The following TWIST2 variants were observed in gnomAD, a reference collection of about 807,000 sequenced individuals.
TWIST2 encodes the protein twist family bHLH transcription factor 2.
In TWIST2, 1 loss-of-function variant was observed where a neutral mutation model predicts 11.6. That is an observed-to-expected ratio of 0.09 (90% confidence interval 0.03 to 0.41). TWIST2 has a LOEUF of 0.41. Among genes scored for constraint, TWIST2 ranks in the 10% least tolerant of loss-of-function variants. The pLI, the probability that TWIST2 is intolerant of heterozygous loss-of-function variation, is 0.98. For missense variants in TWIST2, 168 were observed against 226.4 expected (o/e 0.74, Z 1.66); for synonymous variants, 87 against 96.6 (o/e 0.90, Z 0.58).
chr2:238,903,336 T>C (rs1693301840), intron 1 of TWIST2, among the ~76,000 whole-genome samples: 2 of 145,760 alleles, frequency 1.4e-5, no homozygotes, highest in Non-Finnish European at 3.0e-5. Flanking sequence ...ATGTGAGGTA[T>C]GTTTGAGGTA....
At chr2:238,870,577 A>ACACACACATCACATACCACACACAAACCC (rs1692660684) in intron 1 of TWIST2, among the ~76,000 whole-genome samples, 1 of 55,956 alleles carries the variant, frequency 1.8e-5, no homozygotes, top group Admixed American at 2.1e-4. Context: ...ACCACACACC[A>ACACACACATCACATACCACACACAAACCC]CACACACACA....
At chr2:238,894,324 C>T (rs973243715) in intron 1 of TWIST2, among the ~76,000 whole-genome samples, 98 of 152,156 alleles carry the variant, frequency 6.4e-4, no homozygotes, top group African/African-American at 1.8e-3. Context: ...GACTCCTCCT[C>T]TCTAGATCTG....
At chr2:238,899,700 C>G (rs1693245722) in intron 1 of TWIST2, among the ~76,000 whole-genome samples, 1 of 152,222 alleles carries the variant, frequency 6.6e-6, no homozygotes, top group African/African-American at 2.4e-5. Context: ...GGAATAAACC[C>G]TTCTTGGTCA....
chr2:238,859,540 A>C (rs1394635886), intron 1 of TWIST2, among the ~76,000 whole-genome samples: 2 of 151,624 alleles, frequency 1.3e-5, no homozygotes, highest in African/African-American at 2.4e-5. Flanking sequence ...TCAAATGATA[A>C]ATTTTATATT....
chr2:238,852,937 A>G (rs981020918), intron 1 of TWIST2, among the ~76,000 whole-genome samples: 1 of 152,248 alleles, frequency 6.6e-6, no homozygotes, highest in Non-Finnish European at 1.5e-5. Context: ...TATCTAAGAA[A>G]TTACTACTAA....
Position 238,864,278 on chromosome 2 carries a change from T to A in TWIST2, c.*35+15545T>A, listed in dbSNP as rs572158016. ...CCAAGCACGCGACTGTGAGCGGCGA[T>A]CGGGGCCTGATCCTCAGTTCGAAGA... On this transcript the variant is annotated intron_variant, in intron 1 of 1. Coordinates refer to ENST00000612363, the MANE Select transcript of TWIST2 (RefSeq NM_001271893.4). The surrounding 1 kb of genome is among the most constrained non-coding windows in gnomAD (Gnocchi z 4.7). Among the ~76,000 whole-genome samples, 1 of 152,310 alleles carries A rather than the reference T, an allele frequency of 6.6e-6. No individual in the cohort carries two copies. Among genetic ancestry groups the A allele is most frequent in the Non-Finnish European group, 1.5e-5 (1 of 68,026 alleles).
chr2:238,859,796 TGCATGCAC>T (rs1259484619), intron 1 of TWIST2, among the ~76,000 whole-genome samples: 3 of 152,136 alleles, frequency 2.0e-5, no homozygotes, highest in Admixed American at 6.5e-5. Flanking sequence ...CACACACACA[TGCATGCAC>T]GCACACGTGT....
At chr2:238,877,163 C>T (rs1301583569) in intron 1 of TWIST2, among the ~76,000 whole-genome samples, 1 of 152,114 alleles carries the variant, frequency 6.6e-6, no homozygotes, top group Non-Finnish European at 1.5e-5. Flanking sequence ...TGCCACTGCG[C>T]TCCAGCCTGG....
At chr2:238,895,792 G>T (rs1693199184) in intron 1 of TWIST2, among the ~76,000 whole-genome samples, 1 of 152,184 alleles carries the variant, frequency 6.6e-6, no homozygotes, top group South Asian at 2.1e-4. Context: ...GAGAGGCTCT[G>T]CAGGGTGGCC....
intron 1 of TWIST2, among the ~76,000 whole-genome samples, chr2:238,869,096 C>T (rs1040017949): frequency 5.9e-5 from 9 of 152,156 alleles, no homozygotes; most frequent in East Asian, 3.9e-4. Flanking sequence ...CTGGGGAGCA[C>T]GCCACTGAGA....
At chr2:238,879,104 G>A (rs1225943954) in intron 1 of TWIST2, among the ~76,000 whole-genome samples, 1 of 152,176 alleles carries the variant, frequency 6.6e-6, no homozygotes, top group East Asian at 1.9e-4. Context: ...AGGTTGTCTC[G>A]GCCGTCCTGG....
chr2:238,892,658 T>G (rs2106370126), intron 1 of TWIST2, among the ~76,000 whole-genome samples: 1 of 152,180 alleles, frequency 6.6e-6, no homozygotes, highest in African/African-American at 2.4e-5. Flanking sequence ...TTTTTTGTAT[T>G]TTAGTAGAGA....
chr2:238,896,963 G>T (rs1477649326), intron 1 of TWIST2, among the ~76,000 whole-genome samples: 1 of 152,162 alleles, frequency 6.6e-6, no homozygotes, highest in Non-Finnish European at 1.5e-5. Flanking sequence ...GGGGAGGGAG[G>T]CGCCTGAGTG....
rs141845812 is a variant in TWIST2 at position 238,881,861 on chromosome 2, G to A, written c.*36-27981G>A. Among the ~76,000 whole-genome samples the A allele has an allele frequency of 4.4e-3, 672 of 152,282 alleles. 8 individuals carry two copies. The highest frequency in any genetic ancestry group is 0.016 in the African/African-American group (656 of 41,556). ...TGGACATGACGAGGGCTTGAGGGAG[G>A]AGAAGGTGCCACCTGCTGTGTGCCT... is the stretch of plus-strand genomic sequence containing the variant. On this transcript the variant is annotated intron_variant, in intron 1 of 1. Transcript: ENST00000612363.
At chr2:238,859,981 C>G (rs527572652) in intron 1 of TWIST2, among the ~76,000 whole-genome samples, 1 of 152,248 alleles carries the variant, frequency 6.6e-6, no homozygotes, top group South Asian at 2.1e-4. Context: ...CAGTCAGCCT[C>G]TAGATGAGAG....
intron 1 of TWIST2, among the ~76,000 whole-genome samples, chr2:238,880,904 AGT>A (rs1337260220): frequency 1.0e-5 from 1 of 98,454 alleles, no homozygotes; most frequent in Admixed American, 1.3e-4. Context: ...TATTATTATT[AGT>A]GTTAGTGTCA....
chr2:238,869,693 C>T (rs1559273115), intron 1 of TWIST2, among the ~76,000 whole-genome samples: 1 of 152,212 alleles, frequency 6.6e-6, no homozygotes, highest in Non-Finnish European at 1.5e-5. Flanking sequence ...CCTGCAGTCC[C>T]AGCATTCTGG....
chr2:238,848,107 G>A lies in TWIST2; in HGVS notation c.-109G>A. On this transcript the variant is annotated 5_prime_UTR_variant, in exon 1 of 2. Coordinates refer to ENST00000612363, the MANE Select transcript of TWIST2 (RefSeq NM_001271893.4). Reference sequence around the variant, plus strand: ...TTTGCACAAGCCGGCCTTGAAATCAGAGCCTTTCCAGCAACTCCGAGAGCG... The same window carrying A: ...TTTGCACAAGCCGGCCTTGAAATCAAAGCCTTTCCAGCAACTCCGAGAGCG... The A allele has an allele frequency of 1.1e-6, 1 of 936,804 alleles. No homozygotes were observed. The highest frequency in any genetic ancestry group is 1.3e-6 in the Non-Finnish European group (1 of 748,406). The allele number at this position is 936,804 out of a possible 1,614,324, so 58.0% of individuals were successfully genotyped here. A position where few individuals can be genotyped will look rare whatever the true frequency, so the allele number is the denominator to read the frequency against.
chr2:238,905,930 T>C (rs1280282662), intron 1 of TWIST2, among the ~76,000 whole-genome samples: 25 of 140,372 alleles, frequency 1.8e-4, no homozygotes, highest in Middle Eastern at 3.6e-3. Context: ...GGTGTGCGTG[T>C]GCGCGTGTGT....
Sources: allele counts gnomAD v4.1 joint callset (sites outside exome capture counted in the v4.1 genomes callset), GRCh38; gene constraint gnomAD v4.1.1; non-coding constraint Gnocchi (gnomAD v3.1); transcripts MANE v1.5; gene names NCBI Gene and HGNC (gene_info 2026-07-23, HGNC 2026-07-21).